Variants in GHRL observed in about 807,000 individuals in gnomAD.
GHRL encodes appetite-regulating hormone.
Under a neutral mutation model 16.9 loss-of-function variants are expected in GHRL, and 24 were observed. The observed-to-expected ratio is 1.42, with a 90% CI of 1.03 to 2.00. GHRL has a LOEUF of 2.00. Ranked by LOEUF, GHRL falls within the 30% of genes most tolerant of loss-of-function variation. The pLI is 0.00. For missense variants in GHRL, 193 were observed against 142.1 expected (o/e 1.36, Z -1.82); for synonymous variants, 63 against 58.2 (o/e 1.08, Z -0.37).
chr3:10,288,914 G>T (rs1222824236), intron 4 of GHRL, among the ~76,000 whole-genome samples: 1 of 152,216 alleles, frequency 6.6e-6, no homozygotes, highest in East Asian at 1.9e-4. Flanking sequence ...TTGGGCAAGT[G>T]AGTTCACCTC....
chr3:10,289,716 C>T lies in GHRL; in HGVS notation c.225+46G>A, dbSNP rs542796338. 7.4e-6 allele frequency: 9 copies of T among 1,211,052 alleles called. No homozygotes were observed. The South Asian group carries it at 9.6e-5, about 13-fold the overall frequency. 75.0% of individuals were successfully genotyped at this position (1,211,052 alleles called of 1,614,324 possible). On this transcript the variant is annotated intron_variant, in intron 4 of 5. Transcript: ENST00000335542. ...CCCTGCCCTCCCTCTCCCCTGACCC[C>T]ACCCTCCTCGCTGCCACAGAAGCAT... is the stretch of plus-strand genomic sequence containing the variant.
At chr3:10,286,980 CT>C (rs1370454635) in intron 4 of GHRL, 168 bp from the exon 5 acceptor site, 4 of 564,936 alleles carry the variant, frequency 7.1e-6, no homozygotes, top group Non-Finnish European at 1.3e-5. Flanking sequence ...CTCTTCCTTT[CT>C]CAGGACCACA....
rs111938205 is a variant in GHRL at position 10,289,239 on chromosome 3, G to A, written c.225+523C>T. Among the ~76,000 whole-genome samples, 774 of 152,220 alleles carry A rather than the reference G, an allele frequency of 5.1e-3. 10 individuals are homozygous for A. Among genetic ancestry groups the A allele is most frequent in the African/African-American group, 0.018 (736 of 41,544 alleles). On this transcript the variant is annotated intron_variant, in intron 4 of 5. Coordinates refer to ENST00000335542, the MANE Select transcript of GHRL (RefSeq NM_016362.5). ...TTAACTTTCTCCTTGCCCCACGCAC[G>A]ATTTGTCAGAGCACATCACCCACAC...
At chr3:10,287,796 C>G (rs1439722749) in intron 4 of GHRL, 8 of 153,678 alleles carry the variant, frequency 5.2e-5, no homozygotes, top group Non-Finnish European at 1.2e-4. Context: ...GCCCATTTTA[C>G]AGGTGAGGAC....
chr3:10,286,000 G>A lies in GHRL; in HGVS notation c.335-106C>T, dbSNP rs1035850572. 3 of 997,094 alleles carry A rather than the reference G, an allele frequency of 3.0e-6. No individual in the cohort carries two copies. In the African/African-American group the frequency reaches 4.8e-5, roughly 16 times the overall value. The allele number at this position is 997,094 out of a possible 1,614,324, so 61.8% of individuals were successfully genotyped here. ...TGGGATGTAATGGTGGGGGTTGTGGGGAAGCACTGGCCTTGGAGTCAGAGG... is the reference window on the plus strand; with the variant it reads ...TGGGATGTAATGGTGGGGGTTGTGGAGAAGCACTGGCCTTGGAGTCAGAGG... On this transcript the variant is annotated intron_variant, in intron 5 of 5. Transcript: ENST00000335542.
intron 3 of GHRL, 52 bp from the exon 4 acceptor site, chr3:10,289,930 G>T: frequency 6.6e-7 from 1 of 1,509,222 alleles, no homozygotes; most frequent in Non-Finnish European, 9.1e-7. Flanking sequence ...TGTCCTTCCA[G>T]AAACAGTGAG....
In GHRL at chr3:10,292,908, A is replaced by G. The variant is rs1460065387; in HGVS notation, c.-832T>C. 6.5e-7 allele frequency: 1 copy of G among 1,546,892 alleles called. No homozygotes were observed. The highest frequency in any genetic ancestry group is 1.4e-5 in the African/African-American group (1 of 72,886). On this transcript the variant is annotated 5_prime_UTR_variant, in exon 1 of 6. Transcript: ENST00000335542. ...ATCTTAGATAAGACCACCAGCAAGTAAACATCCACTGTGCAAAGCTGTGTT... is the reference window on the plus strand; with the variant it reads ...ATCTTAGATAAGACCACCAGCAAGTGAACATCCACTGTGCAAAGCTGTGTT...
At chr3:10,291,567 TGGG>T in intron 1 of GHRL, 116 bp from the exon 2 acceptor site, 1 of 641,052 alleles carries the variant, frequency 1.6e-6, no homozygotes, top group Non-Finnish European at 1.9e-6. Flanking sequence ...AATGAGGCGA[TGGG>T]GGGAAAGTGG....
Position 10,291,389 on chromosome 3 carries a change from C to T in GHRL, c.-703G>A, listed in dbSNP as rs1038662433. The T allele has an allele frequency of 3.0e-6, 3 of 985,394 alleles. No homozygotes were observed. The highest frequency in any genetic ancestry group is 3.5e-5 in the African/African-American group (2 of 57,248). The allele number at this position is 985,394 out of a possible 1,614,324, so 61.0% of individuals were successfully genotyped here. A position where few individuals can be genotyped will look rare whatever the true frequency, so the allele number is the denominator to read the frequency against. ...TTTCACATAGCAGCTTGCCTTGCCT[C>T]CCTCCAGCAGCTTTGGTCCCTATTT... On this transcript the variant is annotated 5_prime_UTR_variant, in exon 2 of 6. Transcript: ENST00000335542.
chr3:10,286,596 G>C, intron 5 of GHRL, 108 bp downstream of exon 5: 1 of 632,804 alleles, frequency 1.6e-6, no homozygotes, highest in South Asian at 1.9e-5. Context: ...AGGGAAATTA[G>C]AAGTTCTTTT....
At chr3:10,290,295 G>T in intron 2 of GHRL, 86 bp from the exon 3 acceptor site, 2 of 1,349,624 alleles carry the variant, frequency 1.5e-6, no homozygotes, top group South Asian at 2.7e-5. Flanking sequence ...CAGATGGCGT[G>T]AAGGGCTTTA....
Position 10,289,884 on chromosome 3 carries a change from A to AG in GHRL, c.109-7dup. 1 of 1,602,688 alleles carries AG rather than the reference A, an allele frequency of 6.2e-7. No individual in the cohort carries two copies. Among genetic ancestry groups the AG allele is most frequent in the Non-Finnish European group, 8.5e-7 (1 of 1,170,646 alleles). On this transcript the variant is annotated splice_polypyrimidine_tract_variant and splice_region_variant and intron_variant, in intron 3 of 5. Coordinates refer to ENST00000335542, the MANE Select transcript of GHRL (RefSeq NM_016362.5). ...TTCTTCGACTCCTTTCTCTGCTGGAAGGGGGAAACAGTCTGTTTAGGACTC... is the reference window on the plus strand; with the variant it reads ...TTCTTCGACTCCTTTCTCTGCTGGAAGGGGGGAAACAGTCTGTTTAGGACTC...
intron 1 of GHRL, 44 bp downstream of exon 1, chr3:10,292,798 C>G: frequency 8.6e-7 from 1 of 1,167,212 alleles, no homozygotes; most frequent in Non-Finnish European, 1.2e-6. Context: ...AAAATCCTAA[C>G]TGTGGTGACC....
Position 10,290,889 on chromosome 3 carries a change from G to C in GHRL, c.-203C>G. 1.0e-6 allele frequency: 1 copy of C among 985,558 alleles called. No individual in the cohort carries two copies. The highest frequency in any genetic ancestry group is 1.2e-6 in the Non-Finnish European group (1 of 829,946). 61.1% of individuals were successfully genotyped at this position (985,558 alleles called of 1,614,324 possible). ...GTCCTCTGGGTAGAAGTCAACAGTG[G>C]AGGTCAGATGCCCTGCGGAATTGCT... On this transcript the variant is annotated 5_prime_UTR_variant, in exon 2 of 6. Transcript: ENST00000335542.
chr3:10,290,026 A>C, intron 3 of GHRL, 47 bp downstream of exon 3: 3 of 1,602,902 alleles, frequency 1.9e-6, no homozygotes, highest in Non-Finnish European at 2.6e-6. Flanking sequence ...CTGGTTGCTA[A>C]GTGGCAGGGC....
intron 4 of GHRL, 119 bp from the exon 5 acceptor site, chr3:10,286,931 G>A: frequency 1.6e-6 from 1 of 637,492 alleles, no homozygotes; most frequent in Non-Finnish European, 2.8e-6. Flanking sequence ...TGGCCTTTGG[G>A]CCCCAGCAGG....
At position 10,285,693 on chromosome 3, in the gene GHRL, TAAA is replaced by T; in HGVS notation, c.*179_*181del. ...TTTATTTGTATTATTTTGATTTTTT[TAAA>T]GTAAAATATTAACTTTTCCTCTTTG... On this transcript the variant is annotated 3_prime_UTR_variant, in exon 6 of 6. Coordinates refer to ENST00000335542, the MANE Select transcript of GHRL (RefSeq NM_016362.5). 1 of 556,038 alleles carries T rather than the reference TAAA, an allele frequency of 1.8e-6. No individual in the cohort carries two copies. The highest frequency in any genetic ancestry group is 3.3e-6 in the Non-Finnish European group (1 of 305,220). 34.4% of individuals were successfully genotyped at this position (556,038 alleles called of 1,614,324 possible).
At chr3:10,286,197 C>G (rs906138159) in intron 5 of GHRL, among the ~76,000 whole-genome samples, 3 of 152,216 alleles carry the variant, frequency 2.0e-5, no homozygotes, top group African/African-American at 7.2e-5. Context: ...TTTCTGCCAC[C>G]TCAATCAGTT....
At chr3:10,290,015 G>A (rs1699726896) in intron 3 of GHRL, 58 bp downstream of exon 3, 9 of 1,590,620 alleles carry the variant, frequency 5.7e-6, no homozygotes, top group Admixed American at 1.7e-5. Context: ...AGGTCACAGA[G>A]CTGGTTGCTA....
Sources: allele counts gnomAD v4.1 joint callset (sites outside exome capture counted in the v4.1 genomes callset), GRCh38; gene constraint gnomAD v4.1.1; transcripts MANE v1.5; gene names NCBI Gene and HGNC (gene_info 2026-07-23, HGNC 2026-07-21).